PRAMEF20: variants seen among roughly 807,000 people sequenced by gnomAD.
PRAMEF20 encodes PRAME family member 20/21.
A neutral mutation model predicts 32.4 loss-of-function variants in PRAMEF20; 27 were observed. The ratio of observed to expected loss-of-function variants is 0.83; its 90% CI spans 0.61 to 1.15. PRAMEF20 has a LOEUF of 1.15. Among genes scored for constraint, PRAMEF20 ranks in the 50% most tolerant of loss-of-function variants. The pLI, the probability that PRAMEF20 is intolerant of heterozygous loss-of-function variation, is 0.00. For missense variants in PRAMEF20, 604 were observed against 584.5 expected (o/e 1.03, Z -0.34); for synonymous variants, 256 against 235.4 (o/e 1.09, Z -0.80).
intron 2 of PRAMEF20, 63 bp downstream of exon 3, chr1:13,418,763 A>G: frequency 6.2e-7 from 1 of 1,608,418 alleles, no homozygotes; most frequent in South Asian, 1.1e-5. Flanking sequence ...TACAGGGGGC[A>G]TCTACTGTGA....
intron 2 of PRAMEF20, 21 bp from the exon 4 acceptor site, chr1:13,420,676 C>T: frequency 7.4e-6 from 12 of 1,613,854 alleles, no homozygotes; most frequent in Middle Eastern, 1.7e-4. Context: ...CCAGAACTAA[C>T]TTCCTGCTCT....
At chr1:13,417,660 CAG>C (rs1641191488) in intron 1 of PRAMEF20, among the ~76,000 whole-genome samples, 2 of 149,254 alleles carry the variant, frequency 1.3e-5, no homozygotes, top group African/African-American at 2.5e-5. Context: ...GGAGAAAAGT[CAG>C]AGAGAGGGAA....
chr1:13,419,951 C>G (rs1317359407), intron 2 of PRAMEF20, among the ~76,000 whole-genome samples: 3 of 152,052 alleles, frequency 2.0e-5, no homozygotes, highest in African/African-American at 4.8e-5. Context: ...GGGTCAGGGA[C>G]CAGGCACAAA....
upstream of PRAMEF20, among the ~76,000 whole-genome samples, chr1:13,415,930 C>A (rs1025394779): frequency 8.5e-5 from 13 of 152,304 alleles, no homozygotes; most frequent in Admixed American, 1.3e-4. Context: ...AGGGATGCCC[C>A]ATGAATGTTC....
At chr1:13,416,567 A>G (rs776974480) in exon 1 of PRAMEF20, 14 of 1,614,010 alleles carry the variant, frequency 8.7e-6, no homozygotes, top group Non-Finnish European at 8.5e-7. Flanking sequence ...CTCTGATGAA[A>G]AGGCCTTGCC....
upstream of PRAMEF20, among the ~76,000 whole-genome samples, chr1:13,414,639 T>C (rs1425516597): frequency 6.7e-6 from 1 of 149,466 alleles, no homozygotes; most frequent in Non-Finnish European, 1.5e-5. Context: ...TTGTGGGTTT[T>C]TTTTTAGTAG....
chr1:13,417,106 G>GGT (rs1641183648), intron 1 of PRAMEF20, among the ~76,000 whole-genome samples: 1 of 152,180 alleles, frequency 6.6e-6, no homozygotes, highest in Non-Finnish European at 1.5e-5. Context: ...CCCAAAGAGT[G>GGT]AGCGGTAGCA....
chr1:13,419,338 G>A (rs1387415685), intron 2 of PRAMEF20, among the ~76,000 whole-genome samples: 1 of 151,904 alleles, frequency 6.6e-6, no homozygotes, highest in African/African-American at 2.4e-5. Flanking sequence ...TAGTAGAGAT[G>A]GGGTTTCACC....
upstream of PRAMEF20, chr1:13,416,269 G>C (rs1641168139): frequency 6.2e-7 from 1 of 1,609,824 alleles, no homozygotes; most frequent in Admixed American, 1.7e-5. Flanking sequence ...TTGGCCCTGG[G>C]AGATGAGATT....
intron 2 of PRAMEF20, among the ~76,000 whole-genome samples, chr1:13,420,150 T>C (rs1458693787): frequency 2.0e-5 from 3 of 152,124 alleles, no homozygotes; most frequent in Non-Finnish European, 2.9e-5. Context: ...GCTTTAGGGA[T>C]TCTGTGAACT....
chr1:13,416,292 C>T (rs1641168745), upstream of PRAMEF20: 2 of 1,611,758 alleles, frequency 1.2e-6, no homozygotes, highest in Non-Finnish European at 1.7e-6. Flanking sequence ...ATGGGCTTGG[C>T]CTGAGAGTGA....
At chr1:13,418,685 T>C in exon 2 of PRAMEF20, 6 of 1,613,746 alleles carry the variant, frequency 3.7e-6, no homozygotes, top group Non-Finnish European at 5.1e-6. Flanking sequence ...GAAGGCCACC[T>C]GGACCAGATG....
upstream of PRAMEF20, among the ~76,000 whole-genome samples, chr1:13,412,403 T>G (rs967480146): frequency 6.6e-6 from 1 of 152,134 alleles, no homozygotes; most frequent in East Asian, 1.9e-4. Context: ...TTGGAAACAT[T>G]GAACCTTTCT....
intron 1 of PRAMEF20, among the ~76,000 whole-genome samples, chr1:13,417,007 C>T (rs1005273054): frequency 1.3e-5 from 2 of 152,136 alleles, no homozygotes; most frequent in African/African-American, 2.4e-5. Context: ...AGAATTGGTT[C>T]CTGCCGGTGG....
At position 13,418,718 on chromosome 1, in the gene PRAMEF20, G is replaced by A. The variant is rs1243740293; in HGVS notation, c.866+18G>A. ...ATGCTCAGGTGAGGAAGGGTAGTGAGCTTTCTCTGCAGACCACAGCAGAGC... is the reference window on the plus strand; with the variant it reads ...ATGCTCAGGTGAGGAAGGGTAGTGAACTTTCTCTGCAGACCACAGCAGAGC... On this transcript the variant is annotated intron_variant, in intron 2 of 2. Transcript: ENST00000602960. The A allele has an allele frequency of 4.3e-6, 7 of 1,612,658 alleles. No individual in the cohort carries two copies. The highest frequency in any genetic ancestry group is 5.1e-6 in the Non-Finnish European group (6 of 1,179,872).
exon 2 of PRAMEF20, chr1:13,418,357 G>A (rs1386361662): frequency 1.9e-6 from 3 of 1,613,882 alleles, no homozygotes; most frequent in East Asian, 2.2e-5. Flanking sequence ...CAAGCAGAGG[G>A]AAGGTTTAGT....
chr1:13,414,044 G>C (rs1641137644), upstream of PRAMEF20, among the ~76,000 whole-genome samples: 1 of 151,606 alleles, frequency 6.6e-6, no homozygotes. Context: ...TTTGTTTTTT[G>C]TTTATTTGTT....
At chr1:13,418,765 C>A (rs994658145) in intron 2 of PRAMEF20, 65 bp downstream of exon 3, 85 of 1,608,024 alleles carry the variant, frequency 5.3e-5, no homozygotes, top group Non-Finnish European at 7.1e-5. Context: ...CAGGGGGCAT[C>A]TACTGTGAGC....
intron 2 of PRAMEF20, among the ~76,000 whole-genome samples, chr1:13,420,245 C>G (rs1261822744): frequency 6.6e-6 from 1 of 152,142 alleles, no homozygotes; most frequent in Non-Finnish European, 1.5e-5. Flanking sequence ...GAGTCTCGCT[C>G]TGTCACCCAG....
Sources: allele counts gnomAD v4.1 joint callset (sites outside exome capture counted in the v4.1 genomes callset), GRCh38; gene constraint gnomAD v4.1.1; transcripts MANE v1.5; gene names NCBI Gene and HGNC (gene_info 2026-07-23, HGNC 2026-07-21).